TTC6: variants seen among roughly 807,000 people sequenced by gnomAD.
TTC6 encodes the protein tetratricopeptide repeat domain 6.
TTC6 carries 172 observed loss-of-function variants against 210.4 expected under a neutral mutation model. The observed-to-expected ratio is 0.82, with a 90% CI of 0.72 to 0.93. The LOEUF is 0.93. Among genes scored for constraint, TTC6 ranks in the 40% least tolerant of loss-of-function variants. TTC6 has a pLI of 0.00. For synonymous variants in TTC6, 804 were observed against 819.6 expected (o/e 0.98, Z 0.32); for missense variants, 2,414 against 2,318.1 (o/e 1.04, Z -0.85).
In TTC6 at chr14:37,817,559, G is replaced by T; in HGVS notation, c.4690-19G>T. The T allele has an allele frequency of 6.2e-7, 1 of 1,610,578 alleles. No individual in the cohort carries two copies. The highest frequency in any genetic ancestry group is 1.3e-5 in the African/African-American group (1 of 74,888). ...AAATAATGTTGCAAAATTAACAAAA[G>T]CTTATAACATTATTTCAGGATTTTA... On this transcript the variant is annotated intron_variant, in intron 25 of 30. Coordinates refer to ENST00000553443, the Ensembl canonical transcript of TTC6.
intron 1 of TTC6, among the ~76,000 whole-genome samples, chr14:37,660,393 CT>C (rs1488123112): frequency 6.6e-6 from 1 of 152,112 alleles, no homozygotes; most frequent in Non-Finnish European, 1.5e-5. Flanking sequence ...CACCTCACCC[CT>C]GGACAGGCCC....
At chr14:37,625,039 C>T (rs1386970962) in intron 1 of TTC6, among the ~76,000 whole-genome samples, 2 of 152,160 alleles carry the variant, frequency 1.3e-5, no homozygotes, top group African/African-American at 2.4e-5. Flanking sequence ...GTCTCAGTCC[C>T]ATCTCTGCCT....
At chr14:37,646,400 A>T (rs1341421382) in intron 1 of TTC6, among the ~76,000 whole-genome samples, 1 of 151,670 alleles carries the variant, frequency 6.6e-6, no homozygotes, top group African/African-American at 2.4e-5. Flanking sequence ...GAACATATTC[A>T]GTTTCTGGTG....
At chr14:37,767,230 T>C (rs962867832) in intron 14 of TTC6, among the ~76,000 whole-genome samples, 1 of 152,232 alleles carries the variant, frequency 6.6e-6, no homozygotes, top group Non-Finnish European at 1.5e-5. Context: ...TCCAAGTCTT[T>C]GCTATTGTGA....
chr14:37,741,069 C>T (rs2095917504), intron 10 of TTC6, among the ~76,000 whole-genome samples: 1 of 152,088 alleles, frequency 6.6e-6, no homozygotes, highest in African/African-American at 2.4e-5. Flanking sequence ...ATGGGTGTAA[C>T]AGGAACCATA....
intron 6 of TTC6, among the ~76,000 whole-genome samples, chr14:37,720,093 G>A (rs184426600): frequency 7.9e-5 from 12 of 152,188 alleles, no homozygotes; most frequent in East Asian, 7.7e-4. Flanking sequence ...GAAAAGATGC[G>A]CAACATCATT....
chr14:37,764,246 G>A (rs530313358), intron 14 of TTC6, among the ~76,000 whole-genome samples: 1 of 152,248 alleles, frequency 6.6e-6, no homozygotes, highest in African/African-American at 2.4e-5. Flanking sequence ...TTTGTACTCA[G>A]CTGTTGTTAG....
chr14:37,674,872 T>C (rs2095765598), intron 1 of TTC6, among the ~76,000 whole-genome samples: 1 of 151,698 alleles, frequency 6.6e-6, no homozygotes, highest in Non-Finnish European at 1.5e-5. Context: ...ATTACATGTC[T>C]TTTTTTTATT....
In TTC6 at chr14:37,784,642, A is replaced by G. The variant is rs182226174; in HGVS notation, c.3267-2826A>G. 2.1e-4 allele frequency among the ~76,000 whole-genome samples: 32 copies of G among 152,134 alleles called. No homozygotes were observed. The South Asian group carries it at 6.4e-3, about 31-fold the overall frequency. ...TTACATTTAAGGTTAATATTGTTATATGTGAATGTGATCCTGTCATTATGA... is the reference window on the plus strand; with the variant it reads ...TTACATTTAAGGTTAATATTGTTATGTGTGAATGTGATCCTGTCATTATGA... On this transcript the variant is annotated intron_variant, in intron 14 of 30. Coordinates refer to ENST00000553443, the Ensembl canonical transcript of TTC6.
chr14:37,629,595 T>C (rs537064292), intron 1 of TTC6, among the ~76,000 whole-genome samples: 2 of 152,222 alleles, frequency 1.3e-5, no homozygotes, highest in Admixed American at 6.5e-5. Flanking sequence ...GAACACACTT[T>C]ATTTCTTTCT....
At chr14:37,686,477 C>A (rs895164288) in intron 3 of TTC6, among the ~76,000 whole-genome samples, 2 of 152,182 alleles carry the variant, frequency 1.3e-5, no homozygotes, top group Non-Finnish European at 2.9e-5. Flanking sequence ...GTCTCGTGGA[C>A]TGCTACAGGG....
At chr14:37,656,104 G>A (rs1436951275) in intron 1 of TTC6, among the ~76,000 whole-genome samples, 1 of 152,154 alleles carries the variant, frequency 6.6e-6, no homozygotes, top group Non-Finnish European at 1.5e-5. Flanking sequence ...GTCACTTAGA[G>A]CAATGTCTTG....
chr14:37,753,072 T>C, intron 13 of TTC6, 27 bp from the exon 16 acceptor site: 2 of 1,500,358 alleles, frequency 1.3e-6, no homozygotes, highest in Non-Finnish European at 1.8e-6. Context: ...TTTTGTGATG[T>C]TTATGTACCT....
intron 25 of TTC6, among the ~76,000 whole-genome samples, chr14:37,817,324 G>T (rs1275585302): frequency 1.3e-5 from 2 of 152,164 alleles, no homozygotes; most frequent in Non-Finnish European, 2.9e-5. Context: ...CTTGAGTAGA[G>T]ACCAGTAGTA....
At chr14:37,765,319 C>T (rs372111790) in intron 14 of TTC6, among the ~76,000 whole-genome samples, 15 of 149,078 alleles carry the variant, frequency 1.0e-4, no homozygotes, top group Admixed American at 2.7e-4. Context: ...CACACCACCA[C>T]ACCTAATTTT....
At chr14:37,743,127 A>G (rs1251239932) in intron 10 of TTC6, among the ~76,000 whole-genome samples, 1 of 152,250 alleles carries the variant, frequency 6.6e-6, no homozygotes, top group Non-Finnish European at 1.5e-5. Flanking sequence ...CTGGAGTGAT[A>G]GCTAGCAGGT....
intron 14 of TTC6, among the ~76,000 whole-genome samples, chr14:37,786,044 G>A (rs1316527560): frequency 2.0e-5 from 3 of 152,182 alleles, no homozygotes; most frequent in Admixed American, 6.5e-5. Context: ...CTAGTGGGAA[G>A]TGCCTCCCAG....
chr14:37,807,955 A>G (rs1487997610), intron 23 of TTC6, among the ~76,000 whole-genome samples: 1 of 152,010 alleles, frequency 6.6e-6, no homozygotes, highest in Non-Finnish European at 1.5e-5. Context: ...TTTATTTTAA[A>G]TTACTTTATT....
chr14:37,791,495 T>G (rs1241826439), intron 16 of TTC6, among the ~76,000 whole-genome samples: 1 of 152,200 alleles, frequency 6.6e-6, no homozygotes, highest in Non-Finnish European at 1.5e-5. Flanking sequence ...ACCAGCAGAC[T>G]GTTTACTTAA....
Sources: allele counts gnomAD v4.1 joint callset (sites outside exome capture counted in the v4.1 genomes callset), GRCh38; gene constraint gnomAD v4.1.1; transcripts MANE v1.5; gene names NCBI Gene and HGNC (gene_info 2026-07-23, HGNC 2026-07-21).